PRKCH: variants seen among roughly 807,000 people sequenced by gnomAD.
The protein encoded by PRKCH is protein kinase C eta, also known as protein kinase C eta type.
Under a neutral mutation model 82.5 loss-of-function variants are expected in PRKCH, and 28 were observed. The ratio of observed to expected loss-of-function variants is 0.34; its 90% CI spans 0.25 to 0.47. The LOEUF (loss-of-function observed/expected upper bound fraction) is 0.47. Among genes scored for constraint, PRKCH ranks in the 20% least tolerant of loss-of-function variants. The probability of loss-of-function intolerance (pLI) is 1.00; values close to 1 mark genes in which losing one functional copy is unlikely to be tolerated. For synonymous variants in PRKCH, 322 were observed against 327.4 expected (o/e 0.98, Z 0.18); for missense variants, 705 against 881.8 (o/e 0.80, Z 2.54).
At chr14:61,505,899 G>T (rs1053539232) in intron 10 of PRKCH, among the ~76,000 whole-genome samples, 12 of 152,080 alleles carry the variant, frequency 7.9e-5, no homozygotes, top group Non-Finnish European at 1.5e-4. Flanking sequence ...CTGTCTCATG[G>T]TTCTAACCAG....
At chr14:61,430,461 A>G (rs1247314842) in intron 2 of PRKCH, among the ~76,000 whole-genome samples, 1 of 152,224 alleles carries the variant, frequency 6.6e-6, no homozygotes, top group African/African-American at 2.4e-5. Context: ...TATTTACCCA[A>G]GACAAATGAA....
intron 1 of PRKCH, among the ~76,000 whole-genome samples, chr14:61,222,582 ACATGAACAACTC>A (rs1226362204): frequency 6.6e-6 from 1 of 152,228 alleles, no homozygotes; most frequent in African/African-American, 2.4e-5. Flanking sequence ...GTGTGTTCAG[ACATGAACAACTC>A]CATGAACTTT....
chr14:61,357,620 C>A (rs902770121), intron 1 of PRKCH, among the ~76,000 whole-genome samples: 4 of 152,182 alleles, frequency 2.6e-5, no homozygotes, highest in African/African-American at 9.7e-5. Flanking sequence ...TAATGACTTA[C>A]CTATTTGTCA....
chr14:61,488,058 C>T (rs1886303634), intron 10 of PRKCH, among the ~76,000 whole-genome samples: 1 of 151,518 alleles, frequency 6.6e-6, no homozygotes, highest in Non-Finnish European at 1.5e-5. Flanking sequence ...GAGGCTGAGG[C>T]AGAAGAATAG....
intron 2 of PRKCH, among the ~76,000 whole-genome samples, chr14:61,423,216 G>C (rs1166455484): frequency 6.6e-6 from 1 of 152,182 alleles, no homozygotes; most frequent in East Asian, 1.9e-4. Flanking sequence ...GGGGACAAGA[G>C]ATCTTTAACT....
intron 1 of PRKCH, chr14:61,303,839 CTG>C (rs1486781720): frequency 1.7e-5 from 1 of 59,210 alleles, no homozygotes; most frequent in Non-Finnish European, 5.0e-5. Flanking sequence ...AGTTATATGT[CTG>C]TATTTTTTTT....
intron 1 of PRKCH, among the ~76,000 whole-genome samples, chr14:61,307,788 CTA>C (rs2045494096): frequency 1.3e-5 from 2 of 152,180 alleles, no homozygotes. Flanking sequence ...CTTCAAATAA[CTA>C]TAAATGGGAA....
At chr14:61,434,688 ATT>A (rs1311356650) in intron 2 of PRKCH, among the ~76,000 whole-genome samples, 1 of 152,098 alleles carries the variant, frequency 6.6e-6, no homozygotes, top group East Asian at 1.9e-4. Flanking sequence ...TATTGTAAAC[ATT>A]TTCTACTTCA....
At chr14:61,202,134 C>T (rs2044486339) in intron 1 of PRKCH, among the ~76,000 whole-genome samples, 1 of 152,274 alleles carries the variant, frequency 6.6e-6, no homozygotes, top group Admixed American at 6.5e-5. Context: ...AGGCTGGAAC[C>T]ACAGCCCCCC....
At chr14:61,535,215 C>T (rs1473565290) in intron 12 of PRKCH, among the ~76,000 whole-genome samples, 2 of 152,020 alleles carry the variant, frequency 1.3e-5, no homozygotes, top group East Asian at 1.9e-4. Flanking sequence ...AGGTTCTGTG[C>T]GAGGTGCCAG....
chr14:61,276,275 C>T (rs1476347795), intron 1 of PRKCH, among the ~76,000 whole-genome samples: 3 of 151,700 alleles, frequency 2.0e-5, no homozygotes, highest in Non-Finnish European at 4.4e-5. Context: ...CTAAAATCAG[C>T]CAGCTCTGTT....
intron 1 of PRKCH, chr14:61,298,441 C>T (rs972133895): frequency 2.6e-5 from 4 of 152,096 alleles, no homozygotes; most frequent in African/African-American, 9.7e-5. Flanking sequence ...GCTCTCATCC[C>T]TCAACTTACC....
At chr14:61,307,108 C>T (rs2045490207) in intron 1 of PRKCH, 1 of 152,080 alleles carries the variant, frequency 6.6e-6, no homozygotes, top group Non-Finnish European at 1.5e-5. Context: ...ATTTTCTTAA[C>T]AACAACAGGG....
chr14:61,461,290 C>T (rs1343221672), intron 9 of PRKCH, among the ~76,000 whole-genome samples: 1 of 152,224 alleles, frequency 6.6e-6, no homozygotes, highest in Non-Finnish European at 1.5e-5. Flanking sequence ...CGTAAAGCCC[C>T]TCCCCTGCCC....
At chr14:61,381,038 T>A (rs2046501553) in intron 1 of PRKCH, among the ~76,000 whole-genome samples, 1 of 152,210 alleles carries the variant, frequency 6.6e-6, no homozygotes, top group Non-Finnish European at 1.5e-5. Context: ...TTAGAGAGTT[T>A]CTTTAGTAGT....
chr14:61,214,868 A>T (rs1478282969), intron 1 of PRKCH, among the ~76,000 whole-genome samples: 1 of 152,130 alleles, frequency 6.6e-6, no homozygotes, highest in Non-Finnish European at 1.5e-5. Flanking sequence ...TCATTGTTTA[A>T]ATCATTTATG....
At chr14:61,451,079 A>G in intron 6 of PRKCH, 108 bp downstream of exon 6, 1 of 1,321,034 alleles carries the variant, frequency 7.6e-7, no homozygotes, top group East Asian at 2.5e-5. Context: ...GGTTTTAGAT[A>G]TGTTGTAAAT....
intron 1 of PRKCH, chr14:61,353,601 G>A (rs2046110075): frequency 6.6e-6 from 1 of 152,066 alleles, no homozygotes; most frequent in Admixed American, 6.6e-5. Context: ...CTTCCTCCTG[G>A]ATGCTTTATG....
intron 1 of PRKCH, among the ~76,000 whole-genome samples, chr14:61,283,861 G>C (rs553736732): frequency 6.6e-6 from 1 of 152,260 alleles, no homozygotes; most frequent in South Asian, 2.1e-4. Context: ...AAAAAAGAGA[G>C]AATGGGGTTC....
Sources: gnomAD v4.1 joint callset for allele counts (sites outside exome capture counted in the v4.1 genomes callset) on GRCh38, gnomAD v4.1.1 for gene constraint, MANE v1.5 for transcripts, NCBI Gene and HGNC (gene_info 2026-07-23, HGNC 2026-07-21) for gene names.